The following ACSBG1 variants were observed in gnomAD, a reference collection of about 807,000 sequenced individuals.
ACSBG1 encodes the protein acyl-CoA synthetase bubblegum family member 1.
A neutral mutation model predicts 80.2 loss-of-function variants in ACSBG1; 39 were observed. The ratio of observed to expected loss-of-function variants is 0.49; its 90% CI spans 0.38 to 0.64. The LOEUF is 0.64. Ranked by LOEUF, ACSBG1 falls within the 30% of genes least tolerant of loss-of-function variation. The probability of loss-of-function intolerance (pLI) is 0.00; values close to 1 mark genes in which losing one functional copy is unlikely to be tolerated. For synonymous variants in ACSBG1, 392 were observed against 379.5 expected (o/e 1.03, Z -0.38); for missense variants, 828 against 966.4 (o/e 0.86, Z 1.90).
chr15:78,229,581 C>G (rs1360042276), intron 1 of ACSBG1, among the ~76,000 whole-genome samples: 2 of 152,178 alleles, frequency 1.3e-5, no homozygotes, highest in African/African-American at 2.4e-5. Flanking sequence ...TCTTAGGGGG[C>G]TCCTCTCTGC....
Position 78,193,558 on chromosome 15 carries a change from C to T in ACSBG1, c.611G>A (p.Cys204Tyr). 1 of 1,613,756 alleles carries T rather than the reference C, an allele frequency of 6.2e-7. No individual in the cohort carries two copies. The highest frequency in any genetic ancestry group is 8.5e-7 in the Non-Finnish European group (1 of 1,179,782). Residue 204 changes from cysteine to tyrosine, a missense_variant, in exon 5 of 14, where the codon TGC becomes TAC. By Grantham distance (194) the Cys-to-Tyr change is radical. Coordinates refer to ENST00000258873, the MANE Select transcript of ACSBG1 (RefSeq NM_015162.5). ...CGTGTCGACCATGATGACATTGGCG[C>T]AGCAGTCATAAGCGATGTACTGGCA... ...EACQYIAYDC[C>Y]ANVIMVDTQK... is the part of the protein sequence containing the mutation.
chr15:78,180,882 G>A lies in ACSBG1; in HGVS notation c.1126C>T (p.Pro376Ser), dbSNP rs2074935779. The change falls in exon 9 of 14, where the codon CCC becomes TCC. Residue 376 changes from proline (P) to serine (S), a missense_variant. Transcript: ENST00000258873. Reference sequence around the variant, plus strand: ...TCCATGATCTTCTCCCATACCCGGGGCACCCCCATGTGTGATGTGGGCTCC... The same window carrying A: ...TCCATGATCTTCTCCCATACCCGGGACACCCCCATGTGTGATGTGGGCTCC... ...EVEPTSHMGVPRVWEKIMERI... is the reference protein window; with the variant it reads ...EVEPTSHMGVSRVWEKIMERI... 6.2e-7 allele frequency: 1 copy of A among 1,614,078 alleles called. No individual in the cohort carries two copies. The highest frequency in any genetic ancestry group is 8.5e-7 in the Non-Finnish European group (1 of 1,180,038).
At position 78,234,516 on chromosome 15, in the gene ACSBG1, C is replaced by T. The variant is rs1025936756; in HGVS notation, c.-15G>A. ...TTGCGTGGCATCTGCCTCGGGCTTC[C>T]ACTGAAGACAGCTCAGTCACCCACT... On this transcript the variant is annotated 5_prime_UTR_variant, in exon 1 of 14. Transcript: ENST00000258873. 3 of 1,600,996 alleles carry T rather than the reference C, an allele frequency of 1.9e-6. No homozygotes were observed. The highest frequency in any genetic ancestry group is 1.7e-6 in the Non-Finnish European group (2 of 1,175,650).
chr15:78,229,286 G>A (rs535428718), intron 1 of ACSBG1, among the ~76,000 whole-genome samples: 6 of 152,254 alleles, frequency 3.9e-5, no homozygotes, highest in African/African-American at 1.4e-4. Flanking sequence ...CAAAAACAAA[G>A]AAAAACAGTA....
chr15:78,219,183 C>T (rs554175635), intron 1 of ACSBG1, among the ~76,000 whole-genome samples: 112 of 152,266 alleles, frequency 7.4e-4, no homozygotes, highest in African/African-American at 2.1e-3. Context: ...TGGCACCTCT[C>T]CATACAGCTC....
At chr15:78,181,069 T>A in intron 8 of ACSBG1, 133 bp from the exon 9 acceptor site, 1 of 938,660 alleles carries the variant, frequency 1.1e-6, no homozygotes, top group Non-Finnish European at 1.5e-6. Context: ...CACGCAAGGG[T>A]GGCACATACT....
rs1220852959 is a variant in ACSBG1 at position 78,209,090 on chromosome 15, T to G, written c.132-988A>C. ...GGCTCCAGGGAGCCCTGTCTGTCAG[T>G]TAGGGTGGGGCTAGCCCCATCCCTG... is the stretch of plus-strand genomic sequence containing the variant. On this transcript the variant is annotated intron_variant, in intron 1 of 13. Transcript: ENST00000258873. 4.2e-5 allele frequency: 19 copies of G among 453,616 alleles called. No individual in the cohort carries two copies. The East Asian group carries it at 1.3e-3, about 30-fold the overall frequency. The allele number at this position is 453,616 out of a possible 1,614,324, so 28.1% of individuals were successfully genotyped here. A position where few individuals can be genotyped will look rare whatever the true frequency, so the allele number is the denominator to read the frequency against.
chr15:78,197,580 G>A (rs2075126009), intron 2 of ACSBG1, among the ~76,000 whole-genome samples: 2 of 151,882 alleles, frequency 1.3e-5, no homozygotes. Context: ...TTTGCTGGTG[G>A]TGGTGGTGCA....
At chr15:78,186,726 G>T (rs1418954204) in intron 5 of ACSBG1, among the ~76,000 whole-genome samples, 1 of 152,124 alleles carries the variant, frequency 6.6e-6, no homozygotes, top group Non-Finnish European at 1.5e-5. Flanking sequence ...AAGCAGGAAA[G>T]ATCCAGAATT....
intron 5 of ACSBG1, 132 bp downstream of exon 5, chr15:78,193,374 T>C: frequency 4.6e-6 from 6 of 1,316,866 alleles, no homozygotes; most frequent in Non-Finnish European, 6.1e-6. Flanking sequence ...GCTTGCTGTG[T>C]ATGCATTAGA....
intron 5 of ACSBG1, 62 bp downstream of exon 5, chr15:78,193,444 G>A (rs1425622634): frequency 5.8e-6 from 9 of 1,552,486 alleles, no homozygotes; most frequent in Non-Finnish European, 7.9e-6. Context: ...CGTGTGAGTT[G>A]GAGTGGAGGT....
rs918146175 is a variant in ACSBG1 at position 78,178,446 on chromosome 15, A to G, written c.1702+168T>C. Among the ~76,000 whole-genome samples the G allele has an allele frequency of 3.9e-5, 6 of 152,104 alleles. No homozygotes were observed. Among genetic ancestry groups the G allele is most frequent in the Non-Finnish European group, 5.9e-5 (4 of 68,002 alleles). ...CCCGAATAGCTGGGATTACAGGTGC[A>G]TGCCACCACGCCCAGCTAATTTTTC... On this transcript the variant is annotated intron_variant, in intron 11 of 13. Transcript: ENST00000258873. The surrounding 1 kb of genome is among the most constrained non-coding windows in gnomAD (Gnocchi z 4.3).
chr15:78,173,947 T>C, intron 12 of ACSBG1, 108 bp from the exon 13 acceptor site: 2 of 1,359,594 alleles, frequency 1.5e-6, no homozygotes, highest in East Asian at 4.9e-5. Context: ...TCATGTGAGC[T>C]CTGTTTCAAA....
intron 1 of ACSBG1, among the ~76,000 whole-genome samples, chr15:78,221,687 TG>T (rs1244112862): frequency 2.0e-5 from 3 of 152,018 alleles, no homozygotes; most frequent in South Asian, 2.1e-4. Context: ...GCTGTCTCAG[TG>T]GGGGGAAACT....
chr15:78,220,741 G>A, intron 1 of ACSBG1, among the ~76,000 whole-genome samples: 1 of 152,156 alleles, frequency 6.6e-6, no homozygotes, highest in East Asian at 1.9e-4. Flanking sequence ...CAGCCACCAG[G>A]AAATGCAAAT....
At chr15:78,188,522 A>G (rs1450804390) in intron 5 of ACSBG1, among the ~76,000 whole-genome samples, 9 of 147,226 alleles carry the variant, frequency 6.1e-5, no homozygotes, top group Non-Finnish European at 1.2e-4. Flanking sequence ...ATAACACCGC[A>G]TATCTACAAC....
At position 78,234,417 on chromosome 15, in the gene ACSBG1, G is replaced by C. The variant is rs748604529; in HGVS notation, c.85C>G (p.Arg29Gly). 2.5e-6 allele frequency: 4 copies of C among 1,612,978 alleles called. No homozygotes were observed. In the Admixed American group the frequency reaches 5.0e-5, roughly 20 times the overall value. Residue 29 changes from arginine to glycine, a missense_variant, in exon 1 of 14, where the codon CGG becomes GGG. Coordinates refer to ENST00000258873, the MANE Select transcript of ACSBG1 (RefSeq NM_015162.5). ...GTGGTCCTCACAATCATGTCCTGCC[G>C]GCTCTCCTGTGGGGTCTCTCTGCTG... The part of the protein sequence containing the change: ...LDSRETPQES[R>G]QDMIVRTTQE...
intron 5 of ACSBG1, among the ~76,000 whole-genome samples, chr15:78,185,342 C>T (rs2074990687): frequency 6.6e-6 from 1 of 152,136 alleles, no homozygotes; most frequent in Admixed American, 6.6e-5. Context: ...GCTCATGTTT[C>T]CCCCCACCAG....
chr15:78,204,535 G>A (rs1253885925), intron 2 of ACSBG1, among the ~76,000 whole-genome samples: 2 of 152,212 alleles, frequency 1.3e-5, no homozygotes, highest in Non-Finnish European at 1.5e-5. Flanking sequence ...GGGGCTGGGT[G>A]GGTGCCTTGA....
Sources: allele counts gnomAD v4.1 joint callset (sites outside exome capture counted in the v4.1 genomes callset), GRCh38; gene constraint gnomAD v4.1.1; non-coding constraint Gnocchi (gnomAD v3.1); transcripts MANE v1.5; gene names NCBI Gene and HGNC (gene_info 2026-07-23, HGNC 2026-07-21).